EEPD1: variants seen among roughly 807,000 people sequenced by gnomAD.
EEPD1 encodes endonuclease/exonuclease/phosphatase family domain-containing protein 1.
In EEPD1, 17 loss-of-function variants were observed where a neutral mutation model predicts 46.3. The observed-to-expected ratio is 0.37, with a 90% CI of 0.25 to 0.55. EEPD1 has a LOEUF of 0.55. EEPD1 is among the 20% of genes least tolerant of loss of function. The pLI is 0.83. For missense variants in EEPD1, 673 were observed against 745.6 expected (o/e 0.90, Z 1.13); for synonymous variants, 313 against 315.6 (o/e 0.99, Z 0.09).
chr7:36,248,271 CT>C (rs1279445305), intron 3 of EEPD1, among the ~76,000 whole-genome samples: 2 of 151,310 alleles, frequency 1.3e-5, no homozygotes, highest in East Asian at 3.9e-4. Context: ...GTGGTGCAAT[CT>C]CAGCTCATTG....
chr7:36,214,401 C>T (rs1785991977), intron 2 of EEPD1, among the ~76,000 whole-genome samples: 1 of 152,222 alleles, frequency 6.6e-6, no homozygotes, highest in African/African-American at 2.4e-5. Context: ...CTTGCACCCC[C>T]ACAAAGCCAC....
At chr7:36,243,335 A>G (rs1244257478) in intron 3 of EEPD1, among the ~76,000 whole-genome samples, 1 of 151,494 alleles carries the variant, frequency 6.6e-6, no homozygotes, top group Non-Finnish European at 1.5e-5. Flanking sequence ...ACCAAAAGAG[A>G]AGAAGTAAAC....
chr7:36,226,520 T>C (rs1168051767), intron 2 of EEPD1, among the ~76,000 whole-genome samples: 1 of 152,088 alleles, frequency 6.6e-6, no homozygotes, highest in Non-Finnish European at 1.5e-5. Context: ...CACTGATAGA[T>C]CCAAAAACAT....
intron 3 of EEPD1, among the ~76,000 whole-genome samples, chr7:36,243,528 C>T (rs1171417000): frequency 6.6e-6 from 1 of 152,142 alleles, no homozygotes. Flanking sequence ...GACAACCGGC[C>T]TTTGAGTTTT....
At chr7:36,198,615 A>G (rs971282927) in intron 2 of EEPD1, among the ~76,000 whole-genome samples, 50 of 152,346 alleles carry the variant, frequency 3.3e-4, no homozygotes, top group African/African-American at 1.1e-3. Flanking sequence ...CGCATGACTC[A>G]AAGCACTTCA....
intron 2 of EEPD1, among the ~76,000 whole-genome samples, chr7:36,159,323 A>G (rs1206400640): frequency 2.0e-5 from 3 of 152,178 alleles, no homozygotes; most frequent in Admixed American, 6.5e-5. Flanking sequence ...TGATTGATAC[A>G]TGGTTGTATT....
chr7:36,262,788 A>G (rs886587606), intron 3 of EEPD1, among the ~76,000 whole-genome samples: 4 of 151,798 alleles, frequency 2.6e-5, no homozygotes, highest in South Asian at 2.1e-4. Flanking sequence ...CACTCACCCA[A>G]CTCCTGAGAT....
intron 3 of EEPD1, among the ~76,000 whole-genome samples, chr7:36,262,223 C>G (rs1786938035): frequency 6.6e-6 from 1 of 152,148 alleles, no homozygotes; most frequent in South Asian, 2.1e-4. Context: ...ATCCATAACT[C>G]CAGCATCTTG....
In EEPD1 at chr7:36,154,442, C is replaced by T. The variant is rs1425545417; in HGVS notation, c.118C>T (p.Leu40Phe). ...CAACATTCTAGTGAATCAGGAGCGG[C>T]TCAACATCAACACTGCCACGGAGGA... is the stretch of plus-strand genomic sequence containing the variant. ...FSNILVNQERLNINTATEEEL... is the reference protein window; with the variant it reads ...FSNILVNQERFNINTATEEEL... The change falls in exon 2 of 8, where the codon CTC becomes TTC. Residue 40 changes from leucine (L) to phenylalanine (F), a missense_variant. Coordinates refer to ENST00000242108, the MANE Select transcript of EEPD1 (RefSeq NM_030636.3). This position sits in a 1 kb window ranked among gnomAD's most constrained non-coding sequence, Gnocchi z 4.2. The T allele has an allele frequency of 1.2e-6, 2 of 1,614,206 alleles. No homozygotes were observed. Among genetic ancestry groups the T allele is most frequent in the South Asian group, 2.2e-5 (2 of 91,090 alleles).
chr7:36,257,085 A>G (rs1052189915), intron 3 of EEPD1, among the ~76,000 whole-genome samples: 2 of 152,156 alleles, frequency 1.3e-5, no homozygotes, highest in Non-Finnish European at 2.9e-5. Flanking sequence ...ATGAAGCTCA[A>G]TTTTGGCTAG....
intron 2 of EEPD1, among the ~76,000 whole-genome samples, chr7:36,189,788 T>C (rs1352798934): frequency 2.0e-5 from 3 of 152,244 alleles, no homozygotes. Flanking sequence ...TGTCTGACAC[T>C]GGATCTGACA....
At chr7:36,240,772 T>G (rs1786543267) in intron 3 of EEPD1, among the ~76,000 whole-genome samples, 1 of 152,300 alleles carries the variant, frequency 6.6e-6, no homozygotes, top group South Asian at 2.1e-4. Context: ...GGGACCAGTT[T>G]CCTGGAAGAA....
chr7:36,227,357 T>C (rs1162795529), intron 2 of EEPD1, among the ~76,000 whole-genome samples: 1 of 152,224 alleles, frequency 6.6e-6, no homozygotes, highest in African/African-American at 2.4e-5. Context: ...TGTTCTGTGC[T>C]GACATCCTAA....
chr7:36,191,533 C>T (rs1037421224), intron 2 of EEPD1, among the ~76,000 whole-genome samples: 8 of 152,176 alleles, frequency 5.3e-5, no homozygotes, highest in East Asian at 1.9e-4. Flanking sequence ...TCCTGGCTGC[C>T]GCATCTGGCC....
At chr7:36,290,854 G>A (rs573275872) in intron 6 of EEPD1, among the ~76,000 whole-genome samples, 2 of 152,168 alleles carry the variant, frequency 1.3e-5, no homozygotes, top group Non-Finnish European at 2.9e-5. Flanking sequence ...GGAATCAAGG[G>A]AGCGACAAAG....
chr7:36,250,681 A>G (rs924613649), intron 3 of EEPD1, among the ~76,000 whole-genome samples: 2 of 152,154 alleles, frequency 1.3e-5, no homozygotes, highest in African/African-American at 4.8e-5. Context: ...CTCGTTCTAG[A>G]TCAGTGGTGC....
intron 2 of EEPD1, among the ~76,000 whole-genome samples, chr7:36,232,457 G>T (rs1786350256): frequency 1.3e-5 from 2 of 151,860 alleles, no homozygotes; most frequent in South Asian, 4.2e-4. Flanking sequence ...ACCCGCCTCG[G>T]CCTCCTGAAG....
rs934916604 is a variant in EEPD1, at chr7:36,193,759, C to T, written c.878+38557C>T. On this transcript the variant is annotated intron_variant, in intron 2 of 7. Transcript: ENST00000242108. This position sits in a 1 kb window ranked among gnomAD's most constrained non-coding sequence, Gnocchi z 4.9. ...TTCAGAAACCCAGGCCGTCAGGTCC[C>T]GTGGTCAGCAGGTGGCCAGCGGCAG... Among the ~76,000 whole-genome samples, 1 of 152,182 alleles carries T rather than the reference C, an allele frequency of 6.6e-6. No homozygotes were observed. Among genetic ancestry groups the T allele is most frequent in the African/African-American group, 2.4e-5 (1 of 41,430 alleles).
chr7:36,183,875 G>GTTTTTTTT, intron 2 of EEPD1, among the ~76,000 whole-genome samples: 1 of 51,892 alleles, frequency 1.9e-5, no homozygotes, highest in Non-Finnish European at 6.4e-5. Context: ...CCTAGCCCTC[G>GTTTTTTTT]TTTTTTTTTT....
Sources: allele counts gnomAD v4.1 joint callset (sites outside exome capture counted in the v4.1 genomes callset), GRCh38; gene constraint gnomAD v4.1.1; non-coding constraint Gnocchi (gnomAD v3.1); transcripts MANE v1.5; gene names NCBI Gene and HGNC (gene_info 2026-07-23, HGNC 2026-07-21).